UBE2E2: variants seen among roughly 807,000 people sequenced by gnomAD.
The protein encoded by UBE2E2 is ubiquitin-conjugating enzyme E2 E2.
In UBE2E2, 6 loss-of-function variants were observed where a neutral mutation model predicts 24.7. The observed-to-expected ratio is 0.24, with a 90% confidence interval of 0.13 to 0.48. The LOEUF (loss-of-function observed/expected upper bound fraction) is 0.48. UBE2E2 is among the 20% of genes least tolerant of loss of function. The probability of loss-of-function intolerance (pLI) is 0.99; values close to 1 mark genes in which losing one functional copy is unlikely to be tolerated. For synonymous variants in UBE2E2, 104 were observed against 83.6 expected, an observed-to-expected ratio of 1.24 and a Z score of -1.33; for missense variants, 169 against 245.0, an observed-to-expected ratio of 0.69 and a Z score of 2.07.
At chr3:23,577,967 C>T (rs907753044) in intron 5 of UBE2E2, among the ~76,000 whole-genome samples, 5 of 142,988 alleles carry the variant, frequency 3.5e-5, no homozygotes, top group East Asian at 4.1e-4. Flanking sequence ...TTTAATATGA[C>T]GTACTGAATA....
chr3:23,239,988 T>C (rs888279885), intron 3 of UBE2E2, among the ~76,000 whole-genome samples: 2 of 152,214 alleles, frequency 1.3e-5, no homozygotes, highest in Admixed American at 1.3e-4. Flanking sequence ...CATGTAGGGC[T>C]CTGCCACATG....
intron 5 of UBE2E2, among the ~76,000 whole-genome samples, chr3:23,567,797 G>A (rs797013229): frequency 2.0e-5 from 3 of 152,312 alleles, no homozygotes; most frequent in African/African-American, 7.2e-5. Context: ...AATACTTACT[G>A]CATGGTCATC....
At chr3:23,299,110 T>C (rs1444258785) in intron 3 of UBE2E2, among the ~76,000 whole-genome samples, 1 of 152,232 alleles carries the variant, frequency 6.6e-6, no homozygotes, top group African/African-American at 2.4e-5. Flanking sequence ...TGGTAGTTTG[T>C]ATTTCTGTGG....
chr3:23,501,883 A>G (rs1699727863), intron 4 of UBE2E2, among the ~76,000 whole-genome samples: 1 of 152,136 alleles, frequency 6.6e-6, no homozygotes. Context: ...CCTCCACATA[A>G]TGAATTGGAC....
intron 3 of UBE2E2, among the ~76,000 whole-genome samples, chr3:23,291,509 C>T (rs1698764197): frequency 6.6e-6 from 1 of 152,028 alleles, no homozygotes. Flanking sequence ...TAATAAAATG[C>T]AGAGACCGTA....
At chr3:23,500,715 C>G (rs1699702917) in intron 4 of UBE2E2, among the ~76,000 whole-genome samples, 1 of 151,934 alleles carries the variant, frequency 6.6e-6, no homozygotes, top group South Asian at 2.1e-4. Context: ...CTTTTTTGCC[C>G]CTGCTCTTCC....
chr3:23,573,837 T>C (rs1025247464), intron 5 of UBE2E2, among the ~76,000 whole-genome samples: 3 of 152,158 alleles, frequency 2.0e-5, no homozygotes, highest in Admixed American at 6.6e-5. Context: ...ATTGTGCTAT[T>C]AGGTCAATAA....
At chr3:23,448,972 T>C (rs1374392636) in intron 3 of UBE2E2, among the ~76,000 whole-genome samples, 1 of 152,220 alleles carries the variant, frequency 6.6e-6, no homozygotes, top group African/African-American at 2.4e-5. Flanking sequence ...TTTCTGGTTT[T>C]TCAATGGCTT....
chr3:23,221,774 T>A (rs1296537114), intron 3 of UBE2E2, among the ~76,000 whole-genome samples: 1 of 152,152 alleles, frequency 6.6e-6, no homozygotes, highest in African/African-American at 2.4e-5. Flanking sequence ...GTAGCTGGAA[T>A]TACAGGCGTG....
At chr3:23,204,584 G>A in intron 1 of UBE2E2, 1 of 606,076 alleles carries the variant, frequency 1.6e-6, no homozygotes, top group Non-Finnish European at 2.1e-6. Context: ...CCTTTACTAC[G>A]GCAATTTGGA....
intron 3 of UBE2E2, among the ~76,000 whole-genome samples, chr3:23,220,474 C>CA (rs1238340377): frequency 3.3e-5 from 5 of 152,078 alleles, no homozygotes; most frequent in African/African-American, 9.7e-5. Context: ...TCTGTAGGGC[C>CA]ATAGGCATAG....
intron 3 of UBE2E2, among the ~76,000 whole-genome samples, chr3:23,336,567 G>A (rs966400917): frequency 3.7e-4 from 57 of 152,276 alleles, no homozygotes; most frequent in African/African-American, 1.3e-3. Flanking sequence ...ACTGGTCCTT[G>A]CATTAGTCCT....
chr3:23,335,730 C>T (rs1041951967), intron 3 of UBE2E2, among the ~76,000 whole-genome samples: 2 of 152,052 alleles, frequency 1.3e-5, no homozygotes, highest in Non-Finnish European at 2.9e-5. Flanking sequence ...GATGGGGTCT[C>T]ACTGTGTTGT....
intron 3 of UBE2E2, among the ~76,000 whole-genome samples, chr3:23,393,269 A>G (rs1696991305): frequency 6.6e-6 from 1 of 152,184 alleles, no homozygotes; most frequent in Non-Finnish European, 1.5e-5. Context: ...AGGGAGAGGA[A>G]CTGTCTGTGA....
chr3:23,354,565 G>A (rs575201864), intron 3 of UBE2E2, among the ~76,000 whole-genome samples: 112 of 152,224 alleles, frequency 7.4e-4, no homozygotes, highest in Middle Eastern at 3.4e-3. Context: ...AAAAGTGGGC[G>A]AAGGACATGA....
chr3:23,244,842 G>A (rs778253369), intron 3 of UBE2E2, among the ~76,000 whole-genome samples: 2 of 152,098 alleles, frequency 1.3e-5, no homozygotes, highest in African/African-American at 4.8e-5. Flanking sequence ...AATGAATAGT[G>A]TTAGGTAAGA....
intron 3 of UBE2E2, among the ~76,000 whole-genome samples, chr3:23,482,909 ATAAC>A (rs1389049061): frequency 1.1e-4 from 17 of 152,362 alleles, no homozygotes; most frequent in African/African-American, 3.8e-4. Context: ...AAATTGCCAA[ATAAC>A]TAACTGAATG....
At chr3:23,392,315 T>G (rs1351580489) in intron 3 of UBE2E2, among the ~76,000 whole-genome samples, 2 of 152,178 alleles carry the variant, frequency 1.3e-5, no homozygotes, top group African/African-American at 4.8e-5. Flanking sequence ...CTGTGTAAAC[T>G]GTATCTGCTT....
rs1454392379 is a variant in UBE2E2 at position 23,350,982 on chromosome 3, G to A, written c.227+133670G>A. Among the ~76,000 whole-genome samples, 5 of 152,322 alleles carry A rather than the reference G, an allele frequency of 3.3e-5. No individual in the cohort carries two copies. In the East Asian group the frequency reaches 9.6e-4, roughly 29 times the overall value. ...AAGGAAAAAATGTTAAGGGCAGCCA[G>A]AGAGAAAGGTCGGGTTACCCACAAA... On this transcript the variant is annotated intron_variant, in intron 3 of 5. Transcript: ENST00000396703.
Sources: gnomAD v4.1 joint callset for allele counts (sites outside exome capture counted in the v4.1 genomes callset) on GRCh38, gnomAD v4.1.1 for gene constraint, MANE v1.5 for transcripts, NCBI Gene and HGNC (gene_info 2026-07-23, HGNC 2026-07-21) for gene names.